The following GPR158 variants were observed in gnomAD, a reference collection of about 807,000 sequenced individuals.
GPR158 encodes metabotropic glycine receptor.
A neutral mutation model predicts 78.2 loss-of-function variants in GPR158; 30 were observed. The observed-to-expected ratio is 0.38, with a 90% CI of 0.29 to 0.52. The LOEUF (loss-of-function observed/expected upper bound fraction) is 0.52. Ranked by LOEUF, GPR158 falls within the 20% of genes least tolerant of loss-of-function variation. GPR158 has a pLI of 0.83. For missense variants in GPR158, 1,463 were observed against 1,523.5 expected, an observed-to-expected ratio of 0.96 and a Z score of 0.66; for synonymous variants, 581 against 591.1, an observed-to-expected ratio of 0.98 and a Z score of 0.25.
At chr10:25,391,758 G>A (rs1156706349) in intron 2 of GPR158, among the ~76,000 whole-genome samples, 1 of 152,140 alleles carries the variant, frequency 6.6e-6, no homozygotes, top group Non-Finnish European at 1.5e-5. Flanking sequence ...GAACAGTTGG[G>A]AAGGCATGAT....
chr10:25,339,647 G>C (rs967134060), intron 2 of GPR158, among the ~76,000 whole-genome samples: 1 of 152,026 alleles, frequency 6.6e-6, no homozygotes, highest in Non-Finnish European at 1.5e-5. Context: ...GGTTTTTGTA[G>C]ATAATCCTTA....
rs1328904678 is a variant in GPR158, at chr10:25,339,037, A to T, written c.1009-56874A>T. Reference sequence around the variant, plus strand: ...CTTTCTTTCTTTTTTTTTTTTTTTTAAAGACAGGGTCTCGCTCTGTTGCCC... The same window carrying T: ...CTTTCTTTCTTTTTTTTTTTTTTTTTAAGACAGGGTCTCGCTCTGTTGCCC... On this transcript the variant is annotated intron_variant, in intron 2 of 10. Coordinates refer to ENST00000376351, the MANE Select transcript of GPR158 (RefSeq NM_020752.3). Among the ~76,000 whole-genome samples the T allele has an allele frequency of 1.2e-4, 17 of 136,178 alleles. No individual in the cohort carries two copies. The East Asian group carries it at 1.9e-3, about 15-fold the overall frequency. The allele number at this position is 136,178 out of a possible 152,430, so 89.3% of individuals were successfully genotyped here. A position where few individuals can be genotyped will look rare whatever the true frequency, so the allele number is the denominator to read the frequency against.
At chr10:25,231,293 C>T (rs1003866690) in intron 2 of GPR158, among the ~76,000 whole-genome samples, 8 of 152,012 alleles carry the variant, frequency 5.3e-5, no homozygotes, top group South Asian at 2.1e-4. Flanking sequence ...AGCTGACCTT[C>T]GATTGCAAAT....
At chr10:25,188,923 A>C (rs1261926475) in intron 1 of GPR158, among the ~76,000 whole-genome samples, 1 of 152,220 alleles carries the variant, frequency 6.6e-6, no homozygotes, top group Non-Finnish European at 1.5e-5. Flanking sequence ...CAAAGAACTC[A>C]AACAAATTTA....
intron 2 of GPR158, among the ~76,000 whole-genome samples, chr10:25,390,618 G>C (rs1034599830): frequency 2.0e-5 from 3 of 152,180 alleles, no homozygotes; most frequent in Admixed American, 2.0e-4. Flanking sequence ...GCTTTTAAAA[G>C]CATTTAGTTT....
At chr10:25,244,223 C>G (rs1853660484) in intron 2 of GPR158, 1 of 152,124 alleles carries the variant, frequency 6.6e-6, no homozygotes, top group Non-Finnish European at 1.5e-5. Context: ...TACCACTACT[C>G]TCTCATCCTT....
chr10:25,288,477 C>T (rs770721886), intron 2 of GPR158, among the ~76,000 whole-genome samples: 2 of 152,088 alleles, frequency 1.3e-5, no homozygotes, highest in East Asian at 1.9e-4. Flanking sequence ...TCACAGCATT[C>T]GATTACAAAT....
intron 2 of GPR158, among the ~76,000 whole-genome samples, chr10:25,281,019 C>G (rs1169928972): frequency 6.6e-6 from 1 of 151,438 alleles, no homozygotes; most frequent in East Asian, 2.0e-4. Context: ...CCTGTAATCT[C>G]AGATACTGGA....
At chr10:25,194,314 G>T (rs145851308) in intron 1 of GPR158, among the ~76,000 whole-genome samples, 17 of 152,222 alleles carry the variant, frequency 1.1e-4, no homozygotes, top group African/African-American at 4.1e-4. Flanking sequence ...CGAGGCAGGT[G>T]GATAACCTGA....
At chr10:25,396,104 A>G (rs1834359716) in intron 3 of GPR158, 91 bp downstream of exon 3, 1 of 591,204 alleles carries the variant, frequency 1.7e-6, no homozygotes, top group Non-Finnish European at 3.0e-6. Context: ...TTGGAGTTAT[A>G]TGGTTGAATA....
intron 2 of GPR158, among the ~76,000 whole-genome samples, chr10:25,238,534 T>G (rs1435566531): frequency 6.6e-6 from 1 of 152,220 alleles, no homozygotes; most frequent in African/African-American, 2.4e-5. Flanking sequence ...GATTGCTTAG[T>G]GTGGTTTATT....
intron 5 of GPR158, among the ~76,000 whole-genome samples, chr10:25,482,224 C>G (rs1007500066): frequency 1.3e-5 from 2 of 152,058 alleles, no homozygotes; most frequent in African/African-American, 4.8e-5. Context: ...CACTCTATTG[C>G]CCAGGCTGGA....
At chr10:25,404,031 A>C (rs1834479738) in intron 3 of GPR158, among the ~76,000 whole-genome samples, 1 of 152,100 alleles carries the variant, frequency 6.6e-6, no homozygotes, top group Non-Finnish European at 1.5e-5. Context: ...AGAGCTTCTT[A>C]TTATGTAGTA....
chr10:25,354,364 A>G (rs981048601), intron 2 of GPR158, among the ~76,000 whole-genome samples: 1 of 151,990 alleles, frequency 6.6e-6, no homozygotes, highest in African/African-American at 2.4e-5. Flanking sequence ...TCAAAAAAAA[A>G]AAAAAAGTTA....
intron 3 of GPR158, among the ~76,000 whole-genome samples, chr10:25,400,723 T>G (rs184324977): frequency 5.9e-5 from 9 of 152,298 alleles, no homozygotes; most frequent in Admixed American, 5.9e-4. Context: ...ATGGATTCTG[T>G]CTTCAGTGAA....
rs61849397 is a variant in GPR158, at chr10:25,580,918, A to T, written c.1753+8031A>T. On this transcript the variant is annotated intron_variant, in intron 7 of 10. Coordinates refer to ENST00000376351, the MANE Select transcript of GPR158 (RefSeq NM_020752.3). ...TTTTTTTATTTTTTTATTTTATTTT[A>T]TTTTATTTTATTTTTTTGAGACGGA... Among the ~76,000 whole-genome samples, 465 of 109,044 alleles carry T rather than the reference A, an allele frequency of 4.3e-3. 5 individuals are homozygous for T. Among genetic ancestry groups the T allele is most frequent in the Non-Finnish European group, 9.1e-3 (378 of 41,692 alleles). 71.5% of individuals were successfully genotyped at this position (109,044 alleles called of 152,430 possible).
At chr10:25,238,968 T>G (rs1853568010) in intron 2 of GPR158, among the ~76,000 whole-genome samples, 4 of 152,192 alleles carry the variant, frequency 2.6e-5, no homozygotes, top group Non-Finnish European at 5.9e-5. Context: ...TATTGTGTGG[T>G]CTAATGATAC....
chr10:25,522,705 G>T (rs1836293963), intron 5 of GPR158, among the ~76,000 whole-genome samples: 1 of 152,102 alleles, frequency 6.6e-6, no homozygotes, highest in Non-Finnish European at 1.5e-5. Flanking sequence ...ACATATAAAT[G>T]GAACAAACAT....
Position 25,176,295 on chromosome 10 carries a change from T to C in GPR158, c.875T>C (p.Leu292Ser). 6.2e-7 allele frequency: 1 copy of C among 1,603,518 alleles called. No individual in the cohort carries two copies. The highest frequency in any genetic ancestry group is 8.5e-7 in the Non-Finnish European group (1 of 1,175,056). ...LVTLSSAIYG[L>S]QPNLVPEFRG... ...ACTCTTTCCTCTGCCATCTACGGGT[T>C]GCAGCCTAACCTGGTCCCGGAATTC... Residue 292 changes from leucine to serine, a missense_variant, in exon 1 of 11, where the codon TTG becomes TCG. Transcript: ENST00000376351. The surrounding 1 kb of genome is among the most constrained non-coding windows in gnomAD (Gnocchi z 6.3).
Sources: gnomAD v4.1 joint callset for allele counts (sites outside exome capture counted in the v4.1 genomes callset) on GRCh38, gnomAD v4.1.1 for gene constraint, Gnocchi (gnomAD v3.1) non-coding constraint, MANE v1.5 for transcripts, NCBI Gene and HGNC (gene_info 2026-07-23, HGNC 2026-07-21) for gene names.